Variants in HS6ST3 observed in about 807,000 individuals in gnomAD.
The protein encoded by HS6ST3 is heparan-sulfate 6-O-sulfotransferase 3.
A neutral mutation model predicts 36.7 loss-of-function variants in HS6ST3; 12 were observed. The ratio of observed to expected loss-of-function variants is 0.33; its 90% CI spans 0.21 to 0.53. HS6ST3 has a LOEUF of 0.53. Among genes scored for constraint, HS6ST3 ranks in the 20% least tolerant of loss-of-function variants. The pLI, the probability that HS6ST3 is intolerant of heterozygous loss-of-function variation, is 0.95. For missense variants in HS6ST3, 584 were observed against 640.9 expected (o/e 0.91, Z 0.96); for synonymous variants, 240 against 257.5 (o/e 0.93, Z 0.65).
chr13:96,197,727 G>A (rs1206637786), intron 1 of HS6ST3, among the ~76,000 whole-genome samples: 1 of 152,164 alleles, frequency 6.6e-6, no homozygotes, highest in Non-Finnish European at 1.5e-5. Flanking sequence ...AGGGGTTACA[G>A]GGCCCACGCA....
intron 1 of HS6ST3, among the ~76,000 whole-genome samples, chr13:96,730,943 G>A (rs566290614): frequency 1.3e-5 from 2 of 152,150 alleles, no homozygotes; most frequent in Non-Finnish European, 2.9e-5. Context: ...TGTTGCCCAA[G>A]CTGGTCTCAA....
chr13:96,202,976 T>G (rs1408026673), intron 1 of HS6ST3, among the ~76,000 whole-genome samples: 2 of 152,160 alleles, frequency 1.3e-5, no homozygotes, highest in African/African-American at 4.8e-5. Flanking sequence ...CTCTTCCCAT[T>G]CTTTCAGTTC....
At chr13:96,333,257 C>T (rs2055081788) in intron 1 of HS6ST3, among the ~76,000 whole-genome samples, 1 of 152,204 alleles carries the variant, frequency 6.6e-6, no homozygotes, top group South Asian at 2.1e-4. Flanking sequence ...CATATTATGA[C>T]ATCTGAGTTC....
At chr13:96,677,156 C>T (rs1411591979) in intron 1 of HS6ST3, among the ~76,000 whole-genome samples, 1 of 152,022 alleles carries the variant, frequency 6.6e-6, no homozygotes, top group Non-Finnish European at 1.5e-5. Flanking sequence ...GGGCAAAGTA[C>T]AAGAATGTCT....
intron 1 of HS6ST3, among the ~76,000 whole-genome samples, chr13:96,549,946 C>A (rs2056213122): frequency 6.6e-6 from 1 of 152,172 alleles, no homozygotes; most frequent in Admixed American, 6.5e-5. Context: ...TAGGTACATT[C>A]TTTTGTCATC....
intron 1 of HS6ST3, among the ~76,000 whole-genome samples, chr13:96,820,522 T>A (rs369674856): frequency 6.6e-6 from 1 of 152,210 alleles, no homozygotes; most frequent in East Asian, 1.9e-4. Context: ...TATCAGCTAC[T>A]GCCGGGCCCT....
chr13:96,091,168 G>T lies in HS6ST3; in HGVS notation c.306G>T (p.Glu102Asp). 6.5e-7 allele frequency: 1 copy of T among 1,546,680 alleles called. No homozygotes were observed. Among genetic ancestry groups the T allele is most frequent in the Non-Finnish European group, 8.7e-7 (1 of 1,144,946 alleles). ...DEEPGDPREGEEEEEEDEPDP... is the reference protein window; with the variant it reads ...DEEPGDPREGDEEEEEDEPDP... ...AGCCCGGAGACCCCCGGGAGGGGGA[G>T]GAAGAGGAGGAGGAAGACGAGCCGG... is the stretch of plus-strand genomic sequence containing the variant. The change falls in exon 1 of 2, where the codon GAG becomes GAT. Residue 102 changes from glutamate to aspartate, a missense_variant. This residue lies in a region of HS6ST3 where 217 missense variants were observed against 205.4 expected (regional missense o/e 1.06). Coordinates refer to ENST00000376705, the MANE Select transcript of HS6ST3 (RefSeq NM_153456.4).
At chr13:96,091,878 A>G (rs2053766933) in intron 1 of HS6ST3, among the ~76,000 whole-genome samples, 1 of 152,138 alleles carries the variant, frequency 6.6e-6, no homozygotes, top group African/African-American at 2.4e-5. Flanking sequence ...TGGACGCTGG[A>G]AAAACGCCCT....
chr13:96,788,582 C>T (rs574957398), intron 1 of HS6ST3, among the ~76,000 whole-genome samples: 1 of 151,940 alleles, frequency 6.6e-6, no homozygotes, highest in African/African-American at 2.4e-5. Flanking sequence ...GTTTTCAATT[C>T]TACATCCCTG....
At chr13:96,309,707 A>G (rs2054931004) in intron 1 of HS6ST3, among the ~76,000 whole-genome samples, 1 of 152,164 alleles carries the variant, frequency 6.6e-6, no homozygotes, top group Admixed American at 6.5e-5. Context: ...AGATTTTGTC[A>G]GTTGTCATAT....
intron 1 of HS6ST3, among the ~76,000 whole-genome samples, chr13:96,221,956 G>A (rs1379907481): frequency 6.6e-6 from 1 of 152,190 alleles, no homozygotes; most frequent in East Asian, 1.9e-4. Context: ...GTTCTTTTAA[G>A]ATGGTGAATT....
chr13:96,660,605 G>A (rs762023028), intron 1 of HS6ST3, among the ~76,000 whole-genome samples: 5 of 152,158 alleles, frequency 3.3e-5, no homozygotes, highest in Admixed American at 2.6e-4. Flanking sequence ...AAGCTCTGTG[G>A]CATTGGACTT....
intron 1 of HS6ST3, among the ~76,000 whole-genome samples, chr13:96,684,932 G>T (rs1265768127): frequency 2.6e-5 from 4 of 151,976 alleles, no homozygotes; most frequent in African/African-American, 9.7e-5. Flanking sequence ...TGCATAGATT[G>T]CATATATGTG....
Position 96,422,760 on chromosome 13 carries a change from G to C in HS6ST3, c.707+331191G>C, listed in dbSNP as rs2055567974. Among the ~76,000 whole-genome samples, 3 of 152,024 alleles carry C rather than the reference G, an allele frequency of 2.0e-5. No individual in the cohort carries two copies. The South Asian group carries it at 6.2e-4, about 32-fold the overall frequency. ...TGTATACTTGTGGAATTAAATGCAA[G>C]GTAACCAAGCACTGGATAGGAAGGA... On this transcript the variant is annotated intron_variant, in intron 1 of 1. Coordinates refer to ENST00000376705, the MANE Select transcript of HS6ST3 (RefSeq NM_153456.4).
At chr13:96,396,037 G>C (rs1053848761) in intron 1 of HS6ST3, among the ~76,000 whole-genome samples, 2 of 152,168 alleles carry the variant, frequency 1.3e-5, no homozygotes, top group African/African-American at 4.8e-5. Flanking sequence ...TTGCTGGCTG[G>C]GCACAGTGGC....
At chr13:96,301,617 T>C (rs2054882313) in intron 1 of HS6ST3, among the ~76,000 whole-genome samples, 1 of 152,110 alleles carries the variant, frequency 6.6e-6, no homozygotes, top group African/African-American at 2.4e-5. Context: ...TCTGGCCGGG[T>C]GCGGGGGCTC....
intron 1 of HS6ST3, among the ~76,000 whole-genome samples, chr13:96,541,110 G>C: frequency 6.6e-6 from 1 of 152,116 alleles, no homozygotes; most frequent in East Asian, 1.9e-4. Flanking sequence ...TCGGCTCACT[G>C]CAACCTCTGC....
At chr13:96,538,296 A>G (rs1256752936) in intron 1 of HS6ST3, among the ~76,000 whole-genome samples, 1 of 152,292 alleles carries the variant, frequency 6.6e-6, no homozygotes, top group Non-Finnish European at 1.5e-5. Context: ...TGAGAGAATA[A>G]ATGATGATAG....
chr13:96,365,285 C>G (rs541280005), intron 1 of HS6ST3, among the ~76,000 whole-genome samples: 1 of 152,282 alleles, frequency 6.6e-6, no homozygotes, highest in South Asian at 2.1e-4. Flanking sequence ...ATGTGCCACC[C>G]TGTGCCACGT....
Sources: allele counts gnomAD v4.1 joint callset (sites outside exome capture counted in the v4.1 genomes callset), GRCh38; gene constraint gnomAD v4.1.1; regional missense constraint gnomAD v4.1.1; transcripts MANE v1.5; gene names NCBI Gene and HGNC (gene_info 2026-07-23, HGNC 2026-07-21).